POMT2: variants seen among roughly 807,000 people sequenced by gnomAD.
POMT2 encodes protein O-mannosyl-transferase 2.
POMT2 carries 75 observed loss-of-function variants against 100.0 expected under a neutral mutation model. The ratio of observed to expected loss-of-function variants is 0.75; its 90% CI spans 0.62 to 0.91. The LOEUF (loss-of-function observed/expected upper bound fraction) is 0.91, where lower values mean the gene tolerates loss of function less well. Among genes scored for constraint, POMT2 ranks in the 40% least tolerant of loss-of-function variants. The pLI is 0.00. For missense variants in POMT2, 940 were observed against 955.1 expected (o/e 0.98, Z 0.21); for synonymous variants, 378 against 374.1 (o/e 1.01, Z -0.12).
In POMT2 at chr14:77,276,483, A is replaced by G. The variant is rs1204812303; in HGVS notation, c.*893T>C. On this transcript the variant is annotated 3_prime_UTR_variant, in exon 21 of 21. Transcript: ENST00000261534. ...ACCTTGGGCGCTAAGCAAGGTTCCC[A>G]TGGGCTCTCCCAGCAGCCAGGAGAA... is the stretch of plus-strand genomic sequence containing the variant. 1 of 152,572 alleles carries G rather than the reference A, an allele frequency of 6.6e-6. No individual in the cohort carries two copies. Among genetic ancestry groups the G allele is most frequent in the African/African-American group, 2.4e-5 (1 of 41,450 alleles). The allele number at this position is 152,572 out of a possible 1,614,324, so 9.5% of individuals were successfully genotyped here.
Position 77,299,639 on chromosome 14 carries a change from T to C in POMT2, c.817-78A>G, listed in dbSNP as rs924285708. 3 of 1,023,828 alleles carry C rather than the reference T, an allele frequency of 2.9e-6. No homozygotes were observed. In the Admixed American group the frequency reaches 5.2e-5, roughly 18 times the overall value. The allele number at this position is 1,023,828 out of a possible 1,614,324, so 63.4% of individuals were successfully genotyped here. On this transcript the variant is annotated intron_variant, in intron 6 of 20. Transcript: ENST00000261534. Reference sequence around the variant, plus strand: ...TTAGGCACTATGCATGCATTATATATAGCTTTTAATATATCAGTCATAATC... The same window carrying C: ...TTAGGCACTATGCATGCATTATATACAGCTTTTAATATATCAGTCATAATC...
At chr14:77,298,096 C>T (rs1335009237) in intron 8 of POMT2, among the ~76,000 whole-genome samples, 1 of 152,234 alleles carries the variant, frequency 6.6e-6, no homozygotes, top group African/African-American at 2.4e-5. Flanking sequence ...GTCATCCCTC[C>T]TGCCTGAGAT....
At chr14:77,289,305 C>A (rs1261108036) in intron 10 of POMT2, among the ~76,000 whole-genome samples, 2 of 151,966 alleles carry the variant, frequency 1.3e-5, no homozygotes, top group Non-Finnish European at 2.9e-5. Flanking sequence ...GCAGGAGAAT[C>A]GCTTGAACCC....
At chr14:77,279,410 TGA>T (rs1594884387) in intron 18 of POMT2, 1 of 403,320 alleles carries the variant, frequency 2.5e-6, no homozygotes, top group African/African-American at 2.1e-5. Context: ...CTCTAGCCCA[TGA>T]GAGGACAGGG....
At chr14:77,308,772 G>T (rs1891330588) in intron 2 of POMT2, 2 of 453,722 alleles carry the variant, frequency 4.4e-6, no homozygotes, top group Non-Finnish European at 8.8e-6. Context: ...GGAAAACTTA[G>T]CAATATCTAA....
intron 10 of POMT2, among the ~76,000 whole-genome samples, chr14:77,289,799 T>C (rs1890574847): frequency 2.0e-5 from 3 of 152,098 alleles, no homozygotes. Flanking sequence ...CCAATCAGGA[T>C]CTAGAAAGGT....
intron 3 of POMT2, 31 bp from the exon 4 acceptor site, chr14:77,304,831 AC>A (rs1891170013): frequency 6.4e-7 from 1 of 1,560,538 alleles, no homozygotes; most frequent in African/African-American, 1.4e-5. Context: ...CTGTCAAATA[AC>A]AAGCTGAGCT....
rs1890013661 is a variant in POMT2 at position 77,277,469 on chromosome 14, GA to G, written c.2159del (p.Phe720SerfsTer23). The G allele has an allele frequency of 6.2e-7, 1 of 1,612,738 alleles. No homozygotes were observed. Among genetic ancestry groups the G allele is most frequent in the Admixed American group, 1.7e-5 (1 of 60,016 alleles). ...LLGTAYSFYLFHPLAYGMVGP... is the reference protein window; with the variant it reads ...LLGTAYSFYLXHPLAYGMVGP... ...CAACCATCCCGTAAGCCAGAGGGTG[GA>G]AGAGGTAGAAGCTGTGAGAGAGAAC... is the stretch of plus-strand genomic sequence containing the variant. On this transcript the variant is annotated frameshift_variant, in exon 21 of 21. Coordinates refer to ENST00000261534, the MANE Select transcript of POMT2 (RefSeq NM_013382.7). LOFTEE classifies it high-confidence loss of function.
intron 9 of POMT2, among the ~76,000 whole-genome samples, chr14:77,295,286 C>T (rs1283864240): frequency 1.3e-5 from 2 of 152,180 alleles, no homozygotes; most frequent in Non-Finnish European, 2.9e-5. Context: ...TCATTTAATC[C>T]TCACAACTGC....
At position 77,284,855 on chromosome 14, in the gene POMT2, G is replaced by A. The variant is rs1008900521; in HGVS notation, c.1576+95C>T. The A allele has an allele frequency of 4.6e-6, 5 of 1,085,944 alleles. No individual in the cohort carries two copies. In the African/African-American group the frequency reaches 6.2e-5, roughly 14 times the overall value. The allele number at this position is 1,085,944 out of a possible 1,614,324, so 67.3% of individuals were successfully genotyped here. A position where few individuals can be genotyped will look rare whatever the true frequency, so the allele number is the denominator to read the frequency against. On this transcript the variant is annotated intron_variant, in intron 14 of 20. Coordinates refer to ENST00000261534, the MANE Select transcript of POMT2 (RefSeq NM_013382.7). ...AAGGAACAAACAGCAGCAAGTTGAA[G>A]GGATAGCACAGTTTACAAACGCTTA... is the stretch of plus-strand genomic sequence containing the variant.
chr14:77,290,469 G>C (rs1248379037), intron 10 of POMT2, among the ~76,000 whole-genome samples: 1 of 152,244 alleles, frequency 6.6e-6, no homozygotes. Flanking sequence ...TAGGTGAGCA[G>C]CTGCCCATTT....
intron 15 of POMT2, 93 bp from the exon 16 acceptor site, chr14:77,280,556 C>T (rs1305372479): frequency 6.3e-6 from 10 of 1,593,252 alleles, no homozygotes; most frequent in African/African-American, 2.7e-5. Context: ...TAGGGCCAAG[C>T]GCCGAGCAGA....
chr14:77,312,269 C>T (rs1891464019), intron 1 of POMT2: 5 of 515,566 alleles, frequency 9.7e-6, no homozygotes, highest in Non-Finnish European at 1.7e-5. Flanking sequence ...TAGCCAGTTA[C>T]CAATTGAGTT....
In POMT2 at chr14:77,312,024, C is replaced by A; in HGVS notation, c.258G>T (p.Glu86Asp). 6.2e-7 allele frequency: 1 copy of A among 1,613,948 alleles called. No homozygotes were observed. Among genetic ancestry groups the A allele is most frequent in the Non-Finnish European group, 8.5e-7 (1 of 1,179,970 alleles). The change falls in exon 2 of 21, where the codon GAG (glutamate) becomes GAT (aspartate). Residue 86 changes from glutamate to aspartate, a missense_variant. Physicochemically the swap from Glu to Asp is conservative, Grantham distance 45. Transcript: ENST00000261534. Reference protein sequence around the residue: ...LDEPPHICWDETHFGKMGSYY... With the variant: ...LDEPPHICWDDTHFGKMGSYY... ...AACTTCCCATTTTTCCAAAGTGAGT[C>A]TCATCCCAACTAAAGGAAACACAGA...
Position 77,288,749 on chromosome 14 carries a change from C to A in POMT2, c.1253+13G>T, listed in dbSNP as rs768380346. The stretch of plus-strand genomic sequence containing the variant: ...CCGTACCATTTATTTATCCAAACTG[C>A]AAATTGACTTACTCTTTGTGTTCTA... On this transcript the variant is annotated intron_variant, in intron 11 of 20. Coordinates refer to ENST00000261534, the MANE Select transcript of POMT2 (RefSeq NM_013382.7). 3.7e-6 allele frequency: 6 copies of A among 1,611,840 alleles called. No individual in the cohort carries two copies. Among genetic ancestry groups the A allele is most frequent in the Non-Finnish European group, 5.1e-6 (6 of 1,178,086 alleles).
In POMT2 at chr14:77,302,927, A is replaced by G. The variant is rs749380107; in HGVS notation, c.564T>C (p.Thr188=). The change falls in exon 5 of 21, where the codon ACT becomes ACC. Residue 188 remains threonine (T), a synonymous_variant. Coordinates refer to ENST00000261534, the MANE Select transcript of POMT2 (RefSeq NM_013382.7). ...GGTCAAGGAGGATGTACTGGGACAG[A>G]GTGAGGCATCCCGTGTCTGAAAAAC... ...ALLTFDTGCL[T]LSQYILLDPI... 4 of 1,613,110 alleles carry G rather than the reference A, an allele frequency of 2.5e-6. No individual in the cohort carries two copies. The South Asian group carries it at 4.4e-5, about 18-fold the overall frequency.
At chr14:77,281,409 T>C (rs60439767) in intron 15 of POMT2, among the ~76,000 whole-genome samples, 5,533 of 152,270 alleles carry the variant, frequency 0.036, 293 homozygotes, top group African/African-American at 0.12. Context: ...ATTTCATCTA[T>C]TGGGAGAGAA....
chr14:77,295,540 G>A (rs1014896960), intron 9 of POMT2, among the ~76,000 whole-genome samples: 30 of 151,598 alleles, frequency 2.0e-4, no homozygotes, highest in Non-Finnish European at 3.4e-4. Flanking sequence ...GCTGAGGCAG[G>A]AGAATGGCGT....
intron 11 of POMT2, 49 bp from the exon 12 acceptor site, chr14:77,286,871 G>A (rs1890444863): frequency 1.2e-6 from 2 of 1,613,500 alleles, no homozygotes; most frequent in African/African-American, 2.7e-5. Flanking sequence ...AAGATGATGT[G>A]CAACATTTCT....
Sources: gnomAD v4.1 joint callset for allele counts (sites outside exome capture counted in the v4.1 genomes callset) on GRCh38, gnomAD v4.1.1 for gene constraint, MANE v1.5 for transcripts, NCBI Gene and HGNC (gene_info 2026-07-23, HGNC 2026-07-21) for gene names.